The following ABCG1 variants were observed in gnomAD, a reference collection of about 807,000 sequenced individuals.
ABCG1 encodes ATP-binding cassette sub-family G member 1.
A neutral mutation model predicts 69.2 loss-of-function variants in ABCG1; 29 were observed. The observed-to-expected ratio is 0.42, with a 90% CI of 0.31 to 0.57. ABCG1 has a LOEUF of 0.57. Among genes scored for constraint, ABCG1 ranks in the 20% least tolerant of loss-of-function variants. The probability of loss-of-function intolerance (pLI) is 0.15; values close to 1 mark genes in which losing one functional copy is unlikely to be tolerated. For synonymous variants in ABCG1, 370 were observed against 374.8 expected (o/e 0.99, Z 0.15); for missense variants, 718 against 898.1 (o/e 0.80, Z 2.56).
At chr21:42,289,963 CAT>C in intron 10 of ABCG1, 85 bp from the exon 11 acceptor site, 1 of 1,494,772 alleles carries the variant, frequency 6.7e-7, no homozygotes, top group Non-Finnish European at 9.3e-7. Flanking sequence ...TTCAGGGTCC[CAT>C]GCTTCCAAAG....
intron 14 of ABCG1, chr21:42,295,299 C>G (rs1428196572): frequency 1.7e-5 from 2 of 120,510 alleles, no homozygotes; most frequent in Admixed American, 1.2e-4. Flanking sequence ...CCACTGCACT[C>G]CAGCCTAGGT....
At chr21:42,279,379 G>A (rs149525188) in intron 5 of ABCG1, among the ~76,000 whole-genome samples, 4 of 152,320 alleles carry the variant, frequency 2.6e-5, no homozygotes, top group Non-Finnish European at 5.9e-5. Context: ...CGCAGGAGGC[G>A]GAGGGCGGAG....
Position 42,271,067 on chromosome 21 carries a change from C to A in ABCG1, c.287-3C>A. The A allele has an allele frequency of 6.7e-7, 1 of 1,484,924 alleles. No individual in the cohort carries two copies. The allele number at this position is 1,484,924 out of a possible 1,614,324, so 92.0% of individuals were successfully genotyped here. On this transcript the variant is annotated splice_polypyrimidine_tract_variant and splice_region_variant and intron_variant, in intron 2 of 14. Transcript: ENST00000398449. ...AATATGAATATGATCTGCTTTTTTG[C>A]AGGATACAAGACCCTCCTGAAAGGA...
intron 1 of ABCG1, among the ~76,000 whole-genome samples, chr21:42,220,209 G>A (rs2067701755): frequency 6.6e-6 from 1 of 152,194 alleles, no homozygotes; most frequent in Non-Finnish European, 1.5e-5. Context: ...GGTAGCTAAA[G>A]TACAAATGGA....
At chr21:42,228,469 T>A (rs1408479935) in intron 2 of ABCG1, among the ~76,000 whole-genome samples, 1 of 152,138 alleles carries the variant, frequency 6.6e-6, no homozygotes, top group Admixed American at 6.5e-5. Context: ...TTTCCTTTGT[T>A]CCTGGTGCCT....
At chr21:42,268,692 G>T (rs1371567889) in intron 2 of ABCG1, among the ~76,000 whole-genome samples, 3 of 152,196 alleles carry the variant, frequency 2.0e-5, no homozygotes, top group Non-Finnish European at 2.9e-5. Context: ...CCCCATGAGG[G>T]CCAGGTGGAG....
In ABCG1 at chr21:42,201,719, C is replaced by T. The variant is rs940829696; in HGVS notation, c.44C>T (p.Pro15Leu). 3 of 1,613,852 alleles carry T rather than the reference C, an allele frequency of 1.9e-6. No homozygotes were observed. In the African/African-American group the frequency reaches 4.0e-5, roughly 22 times the overall value. ...TGGACAAAACAGAGAAAGCCCTGCC[C>T]TCAGGTGTGGTCAGAAGAGACAGGG... The change falls in exon 2 of 16, where the codon CCT becomes CTT. Residue 15 changes from proline to leucine, a missense_variant. Coordinates refer to the ABCG1 transcript ENST00000398457.
At chr21:42,252,271 G>C (rs1006366040) in intron 2 of ABCG1, among the ~76,000 whole-genome samples, 5 of 152,172 alleles carry the variant, frequency 3.3e-5, no homozygotes, top group African/African-American at 1.2e-4. Context: ...ATCTCCCTGT[G>C]CCTACCATTG....
At chr21:42,249,606 T>A (rs1398209622) in intron 2 of ABCG1, among the ~76,000 whole-genome samples, 2 of 152,310 alleles carry the variant, frequency 1.3e-5, no homozygotes, top group Middle Eastern at 3.4e-3. Flanking sequence ...TGCGGCATAG[T>A]AGATCTATAT....
chr21:42,250,846 G>A (rs554796785), intron 2 of ABCG1, among the ~76,000 whole-genome samples: 35 of 152,346 alleles, frequency 2.3e-4, no homozygotes, highest in East Asian at 7.7e-4. Flanking sequence ...AGCCCAACAA[G>A]GGGTGTGTGC....
chr21:42,276,008 C>A lies in ABCG1; in HGVS notation c.538-887C>A, dbSNP rs533840421. ...TTGCCCCACACCCCGCCCCCCTCCCCGCCACCGCCCTGCATCTCACCCTCT... is the reference window on the plus strand; with the variant it reads ...TTGCCCCACACCCCGCCCCCCTCCCAGCCACCGCCCTGCATCTCACCCTCT... On this transcript the variant is annotated intron_variant, in intron 4 of 14. Transcript: ENST00000398449. The surrounding 1 kb of genome is among the most constrained non-coding windows in gnomAD (Gnocchi z 5.3). Among the ~76,000 whole-genome samples, 1 of 145,848 alleles carries A rather than the reference C, an allele frequency of 6.9e-6. No homozygotes were observed. The highest frequency in any genetic ancestry group is 1.5e-5 in the Non-Finnish European group (1 of 66,244).
intron 2 of ABCG1, among the ~76,000 whole-genome samples, chr21:42,230,689 G>A (rs2067888041): frequency 6.6e-6 from 1 of 152,348 alleles, no homozygotes; most frequent in African/African-American, 2.4e-5. Flanking sequence ...TTATTAGGGC[G>A]TGATTGGCCA....
chr21:42,294,944 A>G (rs1211252146), intron 14 of ABCG1: 1 of 370,042 alleles, frequency 2.7e-6, no homozygotes, highest in African/African-American at 2.1e-5. Context: ...CTTCGGTGGA[A>G]GCGCTTCCAT....
chr21:42,201,528 T>G, intron 1 of ABCG1: 1 of 1,295,804 alleles, frequency 7.7e-7, no homozygotes, highest in Non-Finnish European at 1.1e-6. Flanking sequence ...CTACCCTGAG[T>G]TAATCTGAGT....
chr21:42,248,604 C>T (rs1432023583), intron 2 of ABCG1, among the ~76,000 whole-genome samples: 1 of 152,042 alleles, frequency 6.6e-6, no homozygotes, highest in Non-Finnish European at 1.5e-5. Context: ...AGTGAATAAA[C>T]CAGGCAGGTG....
At chr21:42,223,332 G>A (rs986623332) in intron 1 of ABCG1, among the ~76,000 whole-genome samples, 1 of 152,096 alleles carries the variant, frequency 6.6e-6, no homozygotes, top group South Asian at 2.1e-4. Context: ...TTCGTCCTGC[G>A]TCTCCCCATC....
rs1234875334 is a variant in ABCG1 at position 42,290,108 on chromosome 21, T to C, written c.1283T>C (p.Leu428Pro). The C allele has an allele frequency of 6.2e-7, 1 of 1,614,128 alleles. No individual in the cohort carries two copies. The highest frequency in any genetic ancestry group is 8.5e-7 in the Non-Finnish European group (1 of 1,180,048). ...GGGATCGGCCTCCTCATTGGCCTGC[T>C]GTACTTGGGGATCGGGAACGAAGCC... ...HIGIGLLIGL[L>P]YLGIGNEAKK... The change falls in exon 11 of 15, where the codon CTG becomes CCG. Residue 428 changes from leucine (L) to proline (P), a missense_variant. This residue lies in a region of ABCG1 where 204 missense variants were observed against 323.8 expected (regional missense o/e 0.63). Transcript: ENST00000398449.
chr21:42,270,747 C>T (rs1293425855), intron 2 of ABCG1, among the ~76,000 whole-genome samples: 3 of 152,068 alleles, frequency 2.0e-5, no homozygotes, highest in Non-Finnish European at 4.4e-5. Context: ...CTGGGCCCAC[C>T]GGACATCGCT....
upstream of ABCG1, among the ~76,000 whole-genome samples, chr21:42,212,853 C>T (rs1346789046): frequency 6.6e-6 from 1 of 152,014 alleles, no homozygotes; most frequent in Non-Finnish European, 1.5e-5. Flanking sequence ...GCTACCATGC[C>T]CGGCTAATTT....
Sources: allele counts gnomAD v4.1 joint callset (sites outside exome capture counted in the v4.1 genomes callset), GRCh38; gene constraint gnomAD v4.1.1; regional missense constraint gnomAD v4.1.1; non-coding constraint Gnocchi (gnomAD v3.1); transcripts MANE v1.5; gene names NCBI Gene and HGNC (gene_info 2026-07-23, HGNC 2026-07-21).